The following CTBP2 variants were observed in gnomAD, a reference collection of about 807,000 sequenced individuals.
CTBP2 encodes the protein C-terminal binding protein 2.
CTBP2 carries 30 observed loss-of-function variants against 80.3 expected under a neutral mutation model. The observed-to-expected ratio is 0.37, with a 90% confidence interval of 0.28 to 0.51. CTBP2 has a LOEUF of 0.51. Ranked by LOEUF, CTBP2 falls within the 20% of genes least tolerant of loss-of-function variation. The probability of loss-of-function intolerance (pLI) is 0.93; values close to 1 mark genes in which losing one functional copy is unlikely to be tolerated. For missense variants in CTBP2, 1,212 were observed against 1,375.3 expected, an observed-to-expected ratio of 0.88 and a Z score of 1.88; for synonymous variants, 594 against 587.4, an observed-to-expected ratio of 1.01 and a Z score of -0.16.
chr10:125,093,998 A>G (rs1381623820), intron 2 of CTBP2, among the ~76,000 whole-genome samples: 1 of 152,250 alleles, frequency 6.6e-6, no homozygotes, highest in African/African-American at 2.4e-5. Flanking sequence ...CACTGCTGCT[A>G]GAATGTGCCG....
At chr10:125,142,323 C>T (rs1001819705) in intron 1 of CTBP2, among the ~76,000 whole-genome samples, 20 of 152,220 alleles carry the variant, frequency 1.3e-4, no homozygotes, top group East Asian at 7.7e-4. Flanking sequence ...ACCAGAGCAC[C>T]CCTGGGGCTC....
intron 2 of CTBP2, among the ~76,000 whole-genome samples, chr10:125,100,096 T>C (rs1167668926): frequency 6.6e-6 from 1 of 152,218 alleles, no homozygotes; most frequent in Non-Finnish European, 1.5e-5. Flanking sequence ...ACAGATGTTG[T>C]CTACATCTAA....
intron 1 of CTBP2, chr10:125,005,616 C>T (rs774165899): frequency 1.2e-5 from 19 of 1,612,786 alleles, no homozygotes; most frequent in Middle Eastern, 1.6e-4. Context: ...AGCTCATCCG[C>T]GAGATCCGCA....
chr10:125,151,332 A>G (rs1488028701), intron 1 of CTBP2, among the ~76,000 whole-genome samples: 1 of 152,072 alleles, frequency 6.6e-6, no homozygotes, highest in Admixed American at 6.5e-5. Flanking sequence ...GCCGGGGTGA[A>G]CAGCAGAGAA....
At chr10:125,016,092 AG>A (rs1441938147) in intron 1 of CTBP2, among the ~76,000 whole-genome samples, 1 of 152,228 alleles carries the variant, frequency 6.6e-6, no homozygotes, top group Non-Finnish European at 1.5e-5. Context: ...GGGGATGGTC[AG>A]GGTGCAGTGA....
chr10:124,997,702 C>G, intron 4 of CTBP2: 2 of 541,678 alleles, frequency 3.7e-6, no homozygotes, highest in South Asian at 4.5e-5. Flanking sequence ...CGCTGCCCCA[C>G]AGCAAAGAAT....
chr10:125,084,371 G>A (rs1174093451), intron 2 of CTBP2, among the ~76,000 whole-genome samples: 8 of 152,212 alleles, frequency 5.3e-5, no homozygotes, highest in African/African-American at 1.9e-4. Context: ...GCCAACAGCA[G>A]CCCCGTGGAA....
At chr10:125,120,732 C>CAT (rs1854178750) in intron 1 of CTBP2, among the ~76,000 whole-genome samples, 1 of 152,182 alleles carries the variant, frequency 6.6e-6, no homozygotes, top group South Asian at 2.1e-4. Flanking sequence ...GGCTGGAGTG[C>CAT]AGTGGCATGA....
chr10:125,121,309 G>C (rs1486028645), intron 1 of CTBP2, among the ~76,000 whole-genome samples: 1 of 152,226 alleles, frequency 6.6e-6, no homozygotes, highest in Non-Finnish European at 1.5e-5. Context: ...AGTGTTAGCT[G>C]TATCATATAC....
chr10:125,028,436 G>A (rs996433799), upstream of CTBP2, among the ~76,000 whole-genome samples: 2 of 152,232 alleles, frequency 1.3e-5, no homozygotes, highest in African/African-American at 2.4e-5. Flanking sequence ...TGGATAAACA[G>A]AAAAAGGTCC....
intron 1 of CTBP2, among the ~76,000 whole-genome samples, chr10:125,022,862 AGAG>A (rs2134612121): frequency 6.6e-6 from 1 of 152,378 alleles, no homozygotes; most frequent in South Asian, 2.1e-4. Context: ...CTCAAGGTGC[AGAG>A]GAGTCTCAAA....
chr10:125,042,861 G>A (rs1960230609), intron 2 of CTBP2, among the ~76,000 whole-genome samples: 1 of 148,656 alleles, frequency 6.7e-6, no homozygotes, highest in Non-Finnish European at 1.5e-5. Context: ...TTTTCAAAAG[G>A]AAGAAGAGTG....
chr10:124,994,122 G>T, intron 5 of CTBP2, 137 bp from the exon 8 acceptor site: 1 of 1,205,178 alleles, frequency 8.3e-7, no homozygotes, highest in African/African-American at 1.5e-5. Context: ...TTGAGGGAAG[G>T]GAGTGGGAAG....
intron 1 of CTBP2, among the ~76,000 whole-genome samples, chr10:125,127,341 C>T (rs993587795): frequency 4.6e-5 from 7 of 152,196 alleles, no homozygotes; most frequent in Non-Finnish European, 8.8e-5. Flanking sequence ...AACCAACAGG[C>T]CTGCCTCAAC....
intron 2 of CTBP2, among the ~76,000 whole-genome samples, chr10:125,095,511 AG>A (rs1312711724): frequency 6.6e-6 from 1 of 152,190 alleles, no homozygotes. Flanking sequence ...CGTTGGTGTT[AG>A]GGGTCACCAG....
intron 2 of CTBP2, among the ~76,000 whole-genome samples, chr10:125,059,060 G>A (rs1003697378): frequency 6.6e-6 from 1 of 152,114 alleles, no homozygotes; most frequent in South Asian, 2.1e-4. Context: ...CATGGATACC[G>A]GAGGCTCACT....
chr10:125,161,423 G>A (rs765290149), upstream of CTBP2, among the ~76,000 whole-genome samples: 4 of 152,018 alleles, frequency 2.6e-5, no homozygotes. Context: ...CGCGAGCCCC[G>A]GGTGGCCCCG....
intron 2 of CTBP2, among the ~76,000 whole-genome samples, chr10:125,057,904 G>A (rs1223382332): frequency 1.3e-5 from 2 of 152,134 alleles, no homozygotes; most frequent in African/African-American, 2.4e-5. Context: ...GGTCCTGGCC[G>A]TCCCACTTCC....
At chr10:125,145,618 G>A (rs1181978649) in intron 1 of CTBP2, among the ~76,000 whole-genome samples, 2 of 152,130 alleles carry the variant, frequency 1.3e-5, no homozygotes, top group African/African-American at 2.4e-5. Context: ...TTGACGGGAG[G>A]ATTTGTCTTT....
Sources: allele counts gnomAD v4.1 joint callset (sites outside exome capture counted in the v4.1 genomes callset), GRCh38; gene constraint gnomAD v4.1.1; transcripts MANE v1.5; gene names NCBI Gene and HGNC (gene_info 2026-07-23, HGNC 2026-07-21).